GRIN2D: variants seen among roughly 807,000 people sequenced by gnomAD.
GRIN2D encodes glutamate receptor ionotropic, NMDA 2D.
A neutral mutation model predicts 103.2 loss-of-function variants in GRIN2D; 37 were observed. The observed-to-expected ratio is 0.36, with a 90% CI of 0.28 to 0.47. The LOEUF (loss-of-function observed/expected upper bound fraction) is 0.47, where lower values mean the gene tolerates loss of function less well. GRIN2D is among the 20% of genes least tolerant of loss of function. The pLI is 1.00. For synonymous variants in GRIN2D, 845 were observed against 885.6 expected (o/e 0.95, Z 0.81); for missense variants, 1,557 against 1,910.6 (o/e 0.81, Z 3.45).
chr19:48,397,907 TC>T lies in GRIN2D; in HGVS notation c.-26-455del, dbSNP rs564030505. Among the ~76,000 whole-genome samples the T allele has an allele frequency of 4.9e-3, 748 of 151,562 alleles. 5 individuals are homozygous for T. Among genetic ancestry groups the T allele is most frequent in the African/African-American group, 0.017 (689 of 41,218 alleles). Reference sequence around the variant, plus strand: ...CATTATCCACCCTCGTCTTTGCGTCTCCCCCAATCCCATACTCCACTTCTTC... The same window carrying T: ...CATTATCCACCCTCGTCTTTGCGTCTCCCCAATCCCATACTCCACTTCTTC... On this transcript the variant is annotated intron_variant, in intron 2 of 13. Coordinates refer to ENST00000263269, the MANE Select transcript of GRIN2D (RefSeq NM_000836.4).
chr19:48,424,265 ATTT>A (rs569050730), intron 11 of GRIN2D, among the ~76,000 whole-genome samples: 4 of 101,364 alleles, frequency 3.9e-5, no homozygotes, highest in African/African-American at 1.0e-4. Flanking sequence ...AAAAAAAAAA[ATTT>A]TTTTTTTTTT....
chr19:48,419,256 G>T lies in GRIN2D; in HGVS notation c.1758G>T (p.Trp586Cys). 6.2e-7 allele frequency: 1 copy of T among 1,610,716 alleles called. No individual in the cohort carries two copies. Residue 586 changes from tryptophan to cysteine, a missense_variant, in exon 9 of 14, where the codon TGG becomes TGT. Around this residue, in one of 7 missense-constraint regions of GRIN2D, gnomAD observed 197 missense variants for 334.1 expected, o/e 0.59. Coordinates refer to ENST00000263269, the MANE Select transcript of GRIN2D (RefSeq NM_000836.4). ...AFLEPYSPAV[W>C]VMMFVMCLTV... Reference sequence around the variant, plus strand: ...CAGAGCCCTACAGCCCCGCCGTGTGGGTGATGATGTTCGTCATGTGCCTCA... The same window carrying T: ...CAGAGCCCTACAGCCCCGCCGTGTGTGTGATGATGTTCGTCATGTGCCTCA...
intron 11 of GRIN2D, among the ~76,000 whole-genome samples, chr19:48,436,845 G>C (rs1177125058): frequency 1.3e-5 from 2 of 152,134 alleles, no homozygotes; most frequent in African/African-American, 2.4e-5. Flanking sequence ...CCAGAGTGAG[G>C]GGGGGCTTGG....
chr19:48,413,954 A>G (rs1386795168), intron 4 of GRIN2D, 37 bp from the exon 5 acceptor site: 1 of 1,198,598 alleles, frequency 8.3e-7, no homozygotes, highest in Non-Finnish European at 1.2e-6. Flanking sequence ...GGTCCAGCCC[A>G]GGCCCCAGCA....
chr19:48,424,675 C>T (rs1971066876), intron 11 of GRIN2D, among the ~76,000 whole-genome samples: 2 of 152,062 alleles, frequency 1.3e-5, no homozygotes, highest in South Asian at 2.1e-4. Flanking sequence ...TTTTTTTCCC[C>T]ACACGCTGTC....
intron 11 of GRIN2D, among the ~76,000 whole-genome samples, chr19:48,427,788 G>A (rs973420373): frequency 1.3e-5 from 2 of 151,792 alleles, no homozygotes; most frequent in African/African-American, 4.8e-5. Context: ...GTCTACTCCT[G>A]TATCTTTTTA....
Position 48,398,432 on chromosome 19 carries a change from G to A in GRIN2D, c.40G>A (p.Ala14Thr). 8.9e-7 allele frequency: 1 copy of A among 1,118,404 alleles called. No homozygotes were observed. The highest frequency in any genetic ancestry group is 1.1e-6 in the Non-Finnish European group (1 of 916,292). The allele number at this position is 1,118,404 out of a possible 1,614,324, so 69.3% of individuals were successfully genotyped here. ...AGGPRGPRGPAKMLLLLALAC... is the reference protein window; with the variant it reads ...AGGPRGPRGPTKMLLLLALAC... ...TGGCCCCCGCGGCCCTCGGGGCCCC[G>A]CTAAGATGCTGCTGCTGCTGGCGCT... is the stretch of plus-strand genomic sequence containing the variant. The change falls in exon 3 of 14, where the codon GCT becomes ACT. Residue 14 changes from alanine (A) to threonine (T), a missense_variant. Ala to Thr is a moderately conservative substitution (Grantham distance 58, BLOSUM62 0). Transcript: ENST00000263269.
intron 11 of GRIN2D, among the ~76,000 whole-genome samples, chr19:48,435,763 G>T (rs977504956): frequency 6.6e-6 from 1 of 152,332 alleles, no homozygotes; most frequent in East Asian, 1.9e-4. Flanking sequence ...CCATTTCTTA[G>T]TAAGCACCTA....
intron 3 of GRIN2D, among the ~76,000 whole-genome samples, chr19:48,402,120 G>GAAAGAAAGAAAC (rs1335588774): frequency 8.1e-4 from 26 of 32,082 alleles, no homozygotes; most frequent in Non-Finnish European, 1.3e-3. Context: ...GAGAAGGAAA[G>GAAAGAAAGAAAC]AAAGAAAGAA....
chr19:48,416,050 G>A lies in GRIN2D; in HGVS notation c.1630G>A (p.Glu544Lys). The part of the protein sequence containing the change: ...DMAIGSLTIN[E>K]ERSEIVDFSV... ...GGCCATCGGCTCCCTCACCATCAACGAGGAGCGCTCCGAGATCGTGGACTT... is the reference window on the plus strand; with the variant it reads ...GGCCATCGGCTCCCTCACCATCAACAAGGAGCGCTCCGAGATCGTGGACTT... Residue 544 changes from glutamate (E) to lysine (K), a missense_variant, in exon 8 of 14, where the codon GAG (glutamate) becomes AAG (lysine). Glu to Lys is a moderately conservative substitution (Grantham distance 56). Transcript: ENST00000263269. 6.2e-7 allele frequency: 1 copy of A among 1,613,876 alleles called. No homozygotes were observed. The highest frequency in any genetic ancestry group is 2.2e-5 in the East Asian group (1 of 44,858).
rs1970597896 is a variant in GRIN2D at position 48,394,004 on chromosome 19, G to C, written c.-306+136G>C. Among the ~76,000 whole-genome samples, 1 of 151,956 alleles carries C rather than the reference G, an allele frequency of 6.6e-6. No homozygotes were observed. Among genetic ancestry groups the C allele is most frequent in the Non-Finnish European group, 1.5e-5 (1 of 67,958 alleles). Reference sequence around the variant, plus strand: ...GAGCTGCCTGCCTGGGTGTCGTGGGGCTCCCGCTCCTTCCCCCCGGCCCCC... The same window carrying C: ...GAGCTGCCTGCCTGGGTGTCGTGGGCCTCCCGCTCCTTCCCCCCGGCCCCC... On this transcript the variant is annotated intron_variant, in intron 1 of 13. Transcript: ENST00000263269. This position sits in a 1 kb window ranked among gnomAD's most constrained non-coding sequence, Gnocchi z 5.1.
chr19:48,395,290 C>T (rs879734624), intron 2 of GRIN2D, among the ~76,000 whole-genome samples: 6 of 151,336 alleles, frequency 4.0e-5, no homozygotes, highest in Non-Finnish European at 7.4e-5. Flanking sequence ...CCCCCCATCG[C>T]GAGCCGGTCC....
intron 2 of GRIN2D, among the ~76,000 whole-genome samples, chr19:48,396,298 G>A (rs1271612013): frequency 1.3e-5 from 2 of 152,070 alleles, no homozygotes; most frequent in East Asian, 1.9e-4. Flanking sequence ...CCCTGGAGTG[G>A]GGGAGGCTGC....
intron 4 of GRIN2D, among the ~76,000 whole-genome samples, chr19:48,409,271 TTTC>T (rs1398519030): frequency 7.0e-6 from 1 of 143,796 alleles, no homozygotes; most frequent in Non-Finnish European, 1.5e-5. Flanking sequence ...GGCAATTAAA[TTTC>T]TTTTTTTTTT....
At chr19:48,419,503 T>C (rs951141302) in intron 9 of GRIN2D, 82 bp from the exon 10 acceptor site, 1 of 1,364,446 alleles carries the variant, frequency 7.3e-7, no homozygotes, top group Non-Finnish European at 1.0e-6. Context: ...CCACTGGGAA[T>C]TGTAGTTCTT....
chr19:48,398,934 CGGGGGCGGGGCCTAGA>C, intron 3 of GRIN2D, 77 bp downstream of exon 3: 2 of 83,674 alleles, frequency 2.4e-5, no homozygotes, highest in Non-Finnish European at 3.6e-5. Flanking sequence ...GGACAGCCAG[CGGGGGCGGGGCCTAGA>C]GGGGGCGGGG....
At chr19:48,415,937 C>T (rs1029712862) in intron 7 of GRIN2D, 65 bp from the exon 8 acceptor site, 25 of 1,461,934 alleles carry the variant, frequency 1.7e-5, no homozygotes, top group Middle Eastern at 2.2e-4. Flanking sequence ...CTCTGCTCGC[C>T]GTCCGTGTCA....
intron 8 of GRIN2D, among the ~76,000 whole-genome samples, chr19:48,418,120 A>C (rs192901804): frequency 7.2e-6 from 1 of 139,848 alleles, no homozygotes; most frequent in Admixed American, 7.8e-5. Flanking sequence ...TGCAACCTCC[A>C]CCTCCTGGGT....
chr19:48,434,010 G>A (rs757522662), intron 11 of GRIN2D, among the ~76,000 whole-genome samples: 2 of 150,770 alleles, frequency 1.3e-5, no homozygotes, highest in Admixed American at 1.3e-4. Context: ...GTGCAGTGGC[G>A]CGATCTCGGC....
Sources: allele counts gnomAD v4.1 joint callset (sites outside exome capture counted in the v4.1 genomes callset), GRCh38; gene constraint gnomAD v4.1.1; regional missense constraint gnomAD v4.1.1; non-coding constraint Gnocchi (gnomAD v3.1); transcripts MANE v1.5; gene names NCBI Gene and HGNC (gene_info 2026-07-23, HGNC 2026-07-21).